Variants in NCBP2 observed in about 807,000 individuals in gnomAD.
The protein encoded by NCBP2 is nuclear cap-binding protein subunit 2.
NCBP2 carries 8 observed loss-of-function variants against 21.5 expected under a neutral mutation model. The ratio of observed to expected loss-of-function variants is 0.37; its 90% CI spans 0.22 to 0.67. The LOEUF (loss-of-function observed/expected upper bound fraction) is 0.67, where lower values mean the gene tolerates loss of function less well. NCBP2 is among the 30% of genes least tolerant of loss of function. NCBP2 has a pLI of 0.56. For missense variants in NCBP2, 127 were observed against 206.9 expected (o/e 0.61, Z 2.37); for synonymous variants, 92 against 75.8 (o/e 1.21, Z -1.11).
chr3:196,942,071 G>GT, intron 1 of NCBP2: 1 of 1,525,168 alleles, frequency 6.6e-7, no homozygotes, highest in Non-Finnish European at 8.8e-7. Flanking sequence ...CTCTGGGAGA[G>GT]AGAAGGGCAC....
intron 1 of NCBP2, chr3:196,941,565 T>A: frequency 3.0e-6 from 1 of 338,438 alleles, no homozygotes; most frequent in South Asian, 4.4e-5. Context: ...CAGGGGATTA[T>A]GAGCTCGCAG....
chr3:196,941,906 T>C, intron 1 of NCBP2: 2 of 1,535,784 alleles, frequency 1.3e-6, no homozygotes, highest in East Asian at 2.4e-5. Flanking sequence ...GAGGGCGGAG[T>C]GAGGACTCCA....
intron 1 of NCBP2, among the ~76,000 whole-genome samples, chr3:196,940,371 T>TC: frequency 7.5e-6 from 1 of 133,602 alleles, no homozygotes; most frequent in Non-Finnish European, 1.5e-5. Context: ...AAACTCTATC[T>TC]CAAAAAAAAA....
At chr3:196,941,759 TC>T in intron 1 of NCBP2, 1 of 706,512 alleles carries the variant, frequency 1.4e-6, no homozygotes, top group Non-Finnish European at 2.3e-6. Context: ...CTCCCCTTTT[TC>T]CACAAAATAT....
intron 3 of NCBP2, 104 bp downstream of exon 3, chr3:196,937,406 G>A (rs1362203464): frequency 7.2e-6 from 11 of 1,527,292 alleles, no homozygotes; most frequent in South Asian, 6.0e-5. Context: ...CAAGGTTATA[G>A]ACACAAAGTT....
chr3:196,937,038 G>A lies in NCBP2; in HGVS notation c.444C>T (p.Gly148=). 1 of 1,614,118 alleles carries A rather than the reference G, an allele frequency of 6.2e-7. No individual in the cohort carries two copies. Among genetic ancestry groups the A allele is most frequent in the Admixed American group, 1.7e-5 (1 of 60,018 alleles). Residue 148 remains glycine, a synonymous_variant, in exon 4 of 4, where the codon GGC becomes GGT. Transcript: ENST00000321256. ...ACTGGTTCTGTGCCAGTTTTCCATA[G>A]CCTCCTCTCCCAGCATCGTAGTCCT... The part of the protein sequence containing the change: ...YRQDYDAGRG[G]YGKLAQNQ
Position 196,935,865 on chromosome 3 carries a change from T to TC in NCBP2, c.*1145dup, listed in dbSNP as rs11457413. The TC allele has an allele frequency of 0.81, 122,977 of 152,110 alleles. 50,548 individuals carry two copies. The highest frequency in any genetic ancestry group is 0.95 in the African/African-American group (39,312 of 41,528). The allele number at this position is 152,110 out of a possible 1,614,324, so 9.4% of individuals were successfully genotyped here. A position where few individuals can be genotyped will look rare whatever the true frequency, so the allele number is the denominator to read the frequency against. ...ACCAAATAAATTCCCTAGACTCCCC[T>TC]CCCTGTAGAGACCATCAGCTCACTG... On this transcript the variant is annotated 3_prime_UTR_variant, in exon 4 of 4. Transcript: ENST00000321256.
intron 1 of NCBP2, chr3:196,941,852 G>C: frequency 5.4e-6 from 8 of 1,486,938 alleles, no homozygotes; most frequent in Non-Finnish European, 7.2e-6. Flanking sequence ...CACCCTCAAA[G>C]TGCCGAGCTT....
At chr3:196,937,146 C>A in intron 3 of NCBP2, 64 bp from the exon 4 acceptor site, 1 of 1,467,280 alleles carries the variant, frequency 6.8e-7, no homozygotes, top group Non-Finnish European at 9.6e-7. Context: ...ATGCCTCCCA[C>A]AAACATGTTA....
At chr3:196,937,391 C>A in intron 3 of NCBP2, 119 bp downstream of exon 3, 1 of 1,468,798 alleles carries the variant, frequency 6.8e-7, no homozygotes, top group South Asian at 1.3e-5. Flanking sequence ...AGATCCACTT[C>A]AAGCCAAGGT....
intron 2 of NCBP2, chr3:196,938,265 A>G (rs2108879400): frequency 6.6e-6 from 1 of 152,364 alleles, no homozygotes; most frequent in East Asian, 1.9e-4. Context: ...TGTATCCCCG[A>G]GGCAAGCCTG....
rs546087473 is a variant in NCBP2 at position 196,937,503 on chromosome 3, T to C, written c.399+7A>G. On this transcript the variant is annotated splice_region_variant and intron_variant, in intron 3 of 3. Coordinates refer to ENST00000321256, the MANE Select transcript of NCBP2 (RefSeq NM_007362.5). ...AATGGCTGAGCCCAGAGACCCTTCT[T>C]GCATACCTGGCCCCCAGATCGCCCA... The C allele has an allele frequency of 2.5e-6, 4 of 1,613,940 alleles. No homozygotes were observed. The South Asian group carries it at 3.3e-5, about 13-fold the overall frequency.
At chr3:196,941,902 G>A (rs1366285461) in intron 1 of NCBP2, 1 of 1,535,970 alleles carries the variant, frequency 6.5e-7, no homozygotes, top group Admixed American at 2.0e-5. Context: ...CCCCGAGGGC[G>A]GAGTGAGGAC....
intron 2 of NCBP2, chr3:196,938,111 TTTAA>T (rs1386451470): frequency 6.4e-6 from 1 of 155,056 alleles, no homozygotes; most frequent in Non-Finnish European, 1.4e-5. Context: ...GAGACCTCCC[TTTAA>T]TTAAAGGGGA....
rs1034034646 is a variant in NCBP2, at chr3:196,941,706, T to C, written c.78+720A>G. 21 of 458,800 alleles carry C rather than the reference T, an allele frequency of 4.6e-5. No homozygotes were observed. In the East Asian group the frequency reaches 8.2e-4, roughly 18 times the overall value. The allele number at this position is 458,800 out of a possible 1,614,324, so 28.4% of individuals were successfully genotyped here. ...CCAACCCCCAACCGTATTCCATCCC[T>C]ACCTCCGCTGATACTGAAAAGTCTA... On this transcript the variant is annotated intron_variant, in intron 1 of 3. Coordinates refer to ENST00000321256, the MANE Select transcript of NCBP2 (RefSeq NM_007362.5).
intron 1 of NCBP2, chr3:196,942,133 A>G: frequency 1.4e-6 from 2 of 1,465,594 alleles, no homozygotes; most frequent in South Asian, 2.8e-5. Flanking sequence ...TGGAAACGGG[A>G]GCCGCCACCA....
intron 2 of NCBP2, chr3:196,938,786 A>T (rs542308041): frequency 6.5e-6 from 1 of 153,026 alleles, no homozygotes; most frequent in South Asian, 2.1e-4. Flanking sequence ...CACCATGCCC[A>T]GCTGTACAGC....
intron 1 of NCBP2, chr3:196,942,006 T>C: frequency 1.3e-6 from 2 of 1,536,104 alleles, no homozygotes. Flanking sequence ...GCTTCGCCGA[T>C]TTAAAAAACA....
At position 196,936,965 on chromosome 3, in the gene NCBP2, T is replaced by C. The variant is rs763975182; in HGVS notation, c.*46A>G. ...ACTTTAGGTGATGTTCTTCAGCAAA[T>C]TCAACAGGCCAAAGGAGTGTTTGTC... On this transcript the variant is annotated 3_prime_UTR_variant, in exon 4 of 4. Transcript: ENST00000321256. 2 of 1,584,738 alleles carry C rather than the reference T, an allele frequency of 1.3e-6. No individual in the cohort carries two copies. Among genetic ancestry groups the C allele is most frequent in the Admixed American group, 3.3e-5 (2 of 59,982 alleles).
Sources: allele counts gnomAD v4.1 joint callset (sites outside exome capture counted in the v4.1 genomes callset), GRCh38; gene constraint gnomAD v4.1.1; transcripts MANE v1.5; gene names NCBI Gene and HGNC (gene_info 2026-07-23, HGNC 2026-07-21).